Variants in GMDS observed in about 807,000 individuals in gnomAD.
GMDS encodes the protein GDP-mannose 4,6 dehydratase.
GMDS carries 20 observed loss-of-function variants against 49.9 expected under a neutral mutation model. That is an observed-to-expected ratio of 0.40 (90% CI 0.28 to 0.58). The LOEUF (loss-of-function observed/expected upper bound fraction) is 0.58, where lower values mean the gene tolerates loss of function less well. Among genes scored for constraint, GMDS ranks in the 20% least tolerant of loss-of-function variants. GMDS has a pLI of 0.42. For synonymous variants in GMDS, 177 were observed against 178.6 expected (o/e 0.99, Z 0.07); for missense variants, 362 against 481.4 (o/e 0.75, Z 2.32).
intron 9 of GMDS, among the ~76,000 whole-genome samples, chr6:1,725,934 G>A (rs1015067549): frequency 1.3e-5 from 2 of 152,182 alleles, no homozygotes; most frequent in Non-Finnish European, 2.9e-5. Flanking sequence ...ACATGGACAG[G>A]GTGGTCCCTG....
At chr6:2,113,442 T>C (rs921910562) in intron 4 of GMDS, among the ~76,000 whole-genome samples, 1 of 151,842 alleles carries the variant, frequency 6.6e-6, no homozygotes, top group Non-Finnish European at 1.5e-5. Flanking sequence ...CCCAGCTTCC[T>C]ACCTGACCTT....
At chr6:1,982,166 C>T (rs535224598) in intron 4 of GMDS, among the ~76,000 whole-genome samples, 8 of 152,072 alleles carry the variant, frequency 5.3e-5, no homozygotes, top group East Asian at 1.9e-4. Flanking sequence ...ATTAGCCAGG[C>T]GTGGTGGTAG....
At chr6:1,890,509 T>C (rs542793020) in intron 7 of GMDS, among the ~76,000 whole-genome samples, 1 of 152,180 alleles carries the variant, frequency 6.6e-6, no homozygotes, top group Admixed American at 6.6e-5. Flanking sequence ...AAATGTTTTC[T>C]CCCATTTGGT....
chr6:2,236,762 C>A (rs938117071), intron 1 of GMDS, among the ~76,000 whole-genome samples: 1 of 151,952 alleles, frequency 6.6e-6, no homozygotes, highest in African/African-American at 2.4e-5. Context: ...TCTAAAAGTG[C>A]CAATTAGAGG....
chr6:2,022,423 G>A (rs78685965), intron 4 of GMDS, among the ~76,000 whole-genome samples: 1,702 of 152,244 alleles, frequency 0.011, 20 homozygotes, highest in Non-Finnish European at 0.017. Flanking sequence ...GCATTCGTGA[G>A]ATTCATGAGA....
chr6:2,037,556 TC>T (rs1301065443), intron 4 of GMDS, among the ~76,000 whole-genome samples: 7 of 152,130 alleles, frequency 4.6e-5, no homozygotes, highest in Non-Finnish European at 8.8e-5. Context: ...AGAAGTACAA[TC>T]CTATCTTGTG....
intron 9 of GMDS, among the ~76,000 whole-genome samples, chr6:1,691,051 T>C (rs1765150830): frequency 6.6e-6 from 1 of 152,182 alleles, no homozygotes; most frequent in Non-Finnish European, 1.5e-5. Flanking sequence ...TATAAAAATA[T>C]ATGCACACAT....
At position 1,670,270 on chromosome 6, in the gene GMDS, C is replaced by T. The variant is rs546259175; in HGVS notation, c.988-45730G>A. Among the ~76,000 whole-genome samples, 11 of 152,044 alleles carry T rather than the reference C, an allele frequency of 7.2e-5. 1 individual carries two copies. The highest frequency in any genetic ancestry group is 2.4e-4 in the African/African-American group (10 of 41,466). On this transcript the variant is annotated intron_variant, in intron 9 of 10. Transcript: ENST00000380815. ...TGAGGACCACAGACAAGAAGGGATG[C>T]GCTGGTTACAGGTGTTGCATACGAC... is the stretch of plus-strand genomic sequence containing the variant.
chr6:1,628,828 C>T (rs1488403226), intron 9 of GMDS, among the ~76,000 whole-genome samples: 2 of 152,192 alleles, frequency 1.3e-5, no homozygotes, highest in Non-Finnish European at 2.9e-5. Context: ...ATTTAAGATA[C>T]AGAGCTGTGA....
chr6:1,751,387 A>C (rs1283121270), intron 7 of GMDS, among the ~76,000 whole-genome samples: 1 of 152,230 alleles, frequency 6.6e-6, no homozygotes, highest in Non-Finnish European at 1.5e-5. Flanking sequence ...ACAGGCAGCA[A>C]TCTTTGCTGT....
At chr6:2,026,021 T>C (rs1257044971) in intron 4 of GMDS, among the ~76,000 whole-genome samples, 1 of 152,190 alleles carries the variant, frequency 6.6e-6, no homozygotes, top group African/African-American at 2.4e-5. Context: ...TTTAAATTAA[T>C]TTTAAGGTTC....
chr6:2,234,173 A>C (rs1781243331), intron 1 of GMDS, among the ~76,000 whole-genome samples: 1 of 152,156 alleles, frequency 6.6e-6, no homozygotes, highest in African/African-American at 2.4e-5. Context: ...CCAACAATCC[A>C]ATCAGTAGCT....
chr6:2,098,573 T>G lies in GMDS; in HGVS notation c.345+17198A>C, dbSNP rs187976468. On this transcript the variant is annotated intron_variant, in intron 4 of 10. Transcript: ENST00000380815. ...AAAGTCTAATTTTTATACGCTTAGT[T>G]GAGAAACACTTAAAGCAAACCCTGC... Among the ~76,000 whole-genome samples the G allele has an allele frequency of 4.6e-3, 702 of 152,340 alleles. 2 individuals carry two copies. The highest frequency in any genetic ancestry group is 0.01 in the Middle Eastern group (3 of 294).
chr6:1,742,292 T>A (rs199868763), intron 8 of GMDS, among the ~76,000 whole-genome samples, 176 bp downstream of exon 8: 2 of 152,084 alleles, frequency 1.3e-5, no homozygotes, highest in East Asian at 3.8e-4. Flanking sequence ...ATCTGACAAA[T>A]AACACAAGTA....
chr6:2,097,202 T>A (rs995411127), intron 4 of GMDS, among the ~76,000 whole-genome samples: 3 of 152,182 alleles, frequency 2.0e-5, no homozygotes, highest in African/African-American at 7.2e-5. Context: ...TTTTGGAATC[T>A]AAAAACTCTG....
intron 4 of GMDS, among the ~76,000 whole-genome samples, chr6:1,974,874 AAAAAG>A (rs1328944014): frequency 1.4e-5 from 2 of 142,078 alleles, no homozygotes; most frequent in Admixed American, 1.4e-4. Flanking sequence ...CTATTAAAAA[AAAAAG>A]AAAAAAAAAT....
intron 7 of GMDS, among the ~76,000 whole-genome samples, chr6:1,794,852 G>A (rs1325005834): frequency 1.3e-5 from 2 of 152,126 alleles, no homozygotes; most frequent in Non-Finnish European, 2.9e-5. Flanking sequence ...TTACAGGGGT[G>A]AGCCACTGCA....
intron 1 of GMDS, among the ~76,000 whole-genome samples, chr6:2,207,449 C>G (rs552507874): frequency 3.9e-5 from 6 of 152,092 alleles, no homozygotes; most frequent in African/African-American, 1.5e-4. Context: ...GCTCAGTGTT[C>G]ACCCCAAATA....
At chr6:2,223,498 AG>A (rs1202502740) in intron 1 of GMDS, among the ~76,000 whole-genome samples, 1 of 151,980 alleles carries the variant, frequency 6.6e-6, no homozygotes, top group Non-Finnish European at 1.5e-5. Context: ...GCAGAAGACC[AG>A]GTAGGAGGTT....
Sources: allele counts gnomAD v4.1 joint callset (sites outside exome capture counted in the v4.1 genomes callset), GRCh38; gene constraint gnomAD v4.1.1; transcripts MANE v1.5; gene names NCBI Gene and HGNC (gene_info 2026-07-23, HGNC 2026-07-21).